PAX5: variants seen among roughly 807,000 people sequenced by gnomAD.
PAX5 encodes paired box 5.
A neutral mutation model predicts 43.7 loss-of-function variants in PAX5; 9 were observed. The ratio of observed to expected loss-of-function variants is 0.21; its 90% CI spans 0.12 to 0.36. PAX5 has a LOEUF of 0.36. Among genes scored for constraint, PAX5 ranks in the 10% least tolerant of loss-of-function variants. The pLI, the probability that PAX5 is intolerant of heterozygous loss-of-function variation, is 1.00. For synonymous variants in PAX5, 228 were observed against 214.3 expected (o/e 1.06, Z -0.56); for missense variants, 383 against 532.7 (o/e 0.72, Z 2.77).
chr9:36,841,198 G>A (rs1488294124), intron 9 of PAX5, among the ~76,000 whole-genome samples: 1 of 152,166 alleles, frequency 6.6e-6, no homozygotes, highest in African/African-American at 2.4e-5. Context: ...CATATATCAT[G>A]CTTAAGCTGG....
chr9:36,977,521 G>GTTT (rs1016675650), intron 5 of PAX5, among the ~76,000 whole-genome samples: 1 of 151,786 alleles, frequency 6.6e-6, no homozygotes, highest in African/African-American at 2.4e-5. Context: ...TTTTTTTGGG[G>GTTT]TTTTTTTGTT....
At chr9:36,906,692 C>G (rs1030117705) in intron 7 of PAX5, among the ~76,000 whole-genome samples, 1 of 152,230 alleles carries the variant, frequency 6.6e-6, no homozygotes, top group Non-Finnish European at 1.5e-5. Context: ...CAGATCCCCC[C>G]GCAAGCTCTC....
At chr9:37,028,309 ATATTTCCTAATTT>A (rs1840637932) in intron 1 of PAX5, among the ~76,000 whole-genome samples, 2 of 152,142 alleles carry the variant, frequency 1.3e-5, no homozygotes, top group African/African-American at 2.4e-5. Context: ...TTCCACGGAA[ATATTTCCTAATTT>A]TATTTCCTAA....
At chr9:36,856,733 T>A (rs1823711200) in intron 8 of PAX5, among the ~76,000 whole-genome samples, 1 of 152,118 alleles carries the variant, frequency 6.6e-6, no homozygotes, top group South Asian at 2.1e-4. Context: ...GAGATGGGGT[T>A]TCACCATGTT....
chr9:36,963,305 C>T (rs1285466871), intron 6 of PAX5, among the ~76,000 whole-genome samples: 1 of 152,190 alleles, frequency 6.6e-6, no homozygotes, highest in Non-Finnish European at 1.5e-5. Flanking sequence ...TGAGTCCTCA[C>T]AGAGTTTGTA....
intron 7 of PAX5, among the ~76,000 whole-genome samples, chr9:36,898,103 T>C (rs1167365962): frequency 1.3e-5 from 2 of 151,938 alleles, no homozygotes; most frequent in African/African-American, 4.8e-5. Flanking sequence ...GGTTTGGAAA[T>C]GGAGGATGGA....
intron 7 of PAX5, among the ~76,000 whole-genome samples, chr9:36,920,753 T>A (rs931099793): frequency 6.6e-6 from 1 of 151,998 alleles, no homozygotes; most frequent in African/African-American, 2.4e-5. Flanking sequence ...CTCAAAAAGT[T>A]TCAGATATTG....
rs76743880 is a variant in PAX5, at chr9:36,840,688, C to T, written c.1100-52G>A. 4,854 of 1,129,344 alleles carry T rather than the reference C, an allele frequency of 4.3e-3. 134 individuals are homozygous for T. The African/African-American group carries it at 0.063, about 15-fold the overall frequency. 70.0% of individuals were successfully genotyped at this position (1,129,344 alleles called of 1,614,324 possible). A position where few individuals can be genotyped will look rare whatever the true frequency, so the allele number is the denominator to read the frequency against. On this transcript the variant is annotated intron_variant, in intron 9 of 9. Transcript: ENST00000358127. ...GGTCAGATCCGGGGTCCCCTTTCCA[C>T]CAGTCTCCTCCACTTCTGTCCTTTC... is the stretch of plus-strand genomic sequence containing the variant.
intron 5 of PAX5, among the ~76,000 whole-genome samples, chr9:36,987,077 C>T (rs1012288181): frequency 3.9e-5 from 6 of 152,154 alleles, no homozygotes; most frequent in Non-Finnish European, 7.3e-5. Flanking sequence ...TGTTACTGTC[C>T]GACTTCTACA....
intron 5 of PAX5, among the ~76,000 whole-genome samples, chr9:36,967,823 TTAAC>T (rs1303541155): frequency 1.3e-5 from 2 of 152,240 alleles, no homozygotes; most frequent in African/African-American, 4.8e-5. Context: ...AAAATGTAAA[TTAAC>T]TAAGTATAAG....
At chr9:36,902,344 T>C (rs1828476787) in intron 7 of PAX5, among the ~76,000 whole-genome samples, 1 of 152,132 alleles carries the variant, frequency 6.6e-6, no homozygotes, top group Non-Finnish European at 1.5e-5. Context: ...ACCTGAGACA[T>C]CCCAGTCATC....
intron 6 of PAX5, among the ~76,000 whole-genome samples, chr9:36,931,870 T>C (rs1050020511): frequency 1.5e-5 from 2 of 132,466 alleles, no homozygotes; most frequent in Admixed American, 7.7e-5. Context: ...AAAAAAAAAA[T>C]CATAACATAT....
At position 37,015,265 on chromosome 9, in the gene PAX5, G is replaced by T; in HGVS notation, c.213-71C>A. The stretch of plus-strand genomic sequence containing the variant: ...GTGGATATTGGCAACAAAATAACGG[G>T]CTACTCTGGCCAGGAAACGTCCGGA... On this transcript the variant is annotated intron_variant, in intron 2 of 9. Transcript: ENST00000358127. This position sits in a 1 kb window ranked among gnomAD's most constrained non-coding sequence, Gnocchi z 4.4. The T allele has an allele frequency of 7.3e-7, 1 of 1,377,944 alleles. No individual in the cohort carries two copies. Among genetic ancestry groups the T allele is most frequent in the Non-Finnish European group, 1.0e-6 (1 of 970,890 alleles). The allele number at this position is 1,377,944 out of a possible 1,614,324, so 85.4% of individuals were successfully genotyped here.
chr9:36,893,535 C>T, intron 7 of PAX5: 1 of 154,398 alleles, frequency 6.5e-6, no homozygotes, highest in Middle Eastern at 5.4e-4. Context: ...GGCTTTTTGC[C>T]CACTTTCATT....
chr9:37,021,649 A>C (rs570932145), intron 1 of PAX5, among the ~76,000 whole-genome samples: 11 of 152,346 alleles, frequency 7.2e-5, no homozygotes, highest in African/African-American at 2.4e-4. Flanking sequence ...GATTTTAAGT[A>C]AAAGGAGCCC....
intron 4 of PAX5, among the ~76,000 whole-genome samples, chr9:37,004,490 C>T (rs147941149): frequency 3.3e-5 from 5 of 152,364 alleles, no homozygotes; most frequent in African/African-American, 7.2e-5. Context: ...AGAAGCCCTT[C>T]ACGGCTTCCC....
chr9:36,836,320 G>A lies in PAX5; in HGVS notation c.*4240C>T. ...TGGGAGAGTGGCAGGCTCTGGGCGTGCCCGTTTCTACCCCTGCCTTGCTGG... is the reference window on the plus strand; with the variant it reads ...TGGGAGAGTGGCAGGCTCTGGGCGTACCCGTTTCTACCCCTGCCTTGCTGG... On this transcript the variant is annotated 3_prime_UTR_variant, in exon 10 of 10. Transcript: ENST00000358127. 1 of 233,366 alleles carries A rather than the reference G, an allele frequency of 4.3e-6. No individual in the cohort carries two copies. The allele number at this position is 233,366 out of a possible 1,614,324, so 14.5% of individuals were successfully genotyped here.
At chr9:37,004,865 A>C (rs1838254299) in intron 4 of PAX5, among the ~76,000 whole-genome samples, 1 of 152,096 alleles carries the variant, frequency 6.6e-6, no homozygotes, top group Non-Finnish European at 1.5e-5. Flanking sequence ...CCCACCACTT[A>C]CTGGCAACAT....
At chr9:36,850,848 T>G (rs571105194) in intron 8 of PAX5, among the ~76,000 whole-genome samples, 1 of 152,274 alleles carries the variant, frequency 6.6e-6, no homozygotes, top group South Asian at 2.1e-4. Context: ...TGCCTCCAAC[T>G]TCTCCATCGG....
Sources: gnomAD v4.1 joint callset for allele counts (sites outside exome capture counted in the v4.1 genomes callset) on GRCh38, gnomAD v4.1.1 for gene constraint, Gnocchi (gnomAD v3.1) non-coding constraint, MANE v1.5 for transcripts, NCBI Gene and HGNC (gene_info 2026-07-23, HGNC 2026-07-21) for gene names.